GCH1: variants seen among roughly 807,000 people sequenced by gnomAD.
GCH1 encodes the protein GTP cyclohydrolase 1.
GCH1 carries 5 observed loss-of-function variants against 25.9 expected under a neutral mutation model. The observed-to-expected ratio is 0.19, with a 90% confidence interval of 0.10 to 0.41. GCH1 has a LOEUF of 0.41. Ranked by LOEUF, GCH1 falls within the 10% of genes least tolerant of loss-of-function variation. GCH1 has a pLI of 1.00. For synonymous variants in GCH1, 159 were observed against 129.6 expected, an observed-to-expected ratio of 1.23 and a Z score of -1.54; for missense variants, 261 against 336.5, an observed-to-expected ratio of 0.78 and a Z score of 1.75.
At chr14:54,844,283 T>C (rs1383632003) in intron 5 of GCH1, 140 bp from the exon 6 acceptor site, 4 of 753,054 alleles carry the variant, frequency 5.3e-6, no homozygotes, top group Non-Finnish European at 9.7e-6. Context: ...ATGTTATCTA[T>C]TAGGTTCATG....
chr14:54,845,373 G>C (rs1028240330), intron 5 of GCH1, among the ~76,000 whole-genome samples: 2 of 151,474 alleles, frequency 1.3e-5, no homozygotes, highest in African/African-American at 4.9e-5. Flanking sequence ...AGCTACTCGG[G>C]AGGCTGAGGC....
At position 54,843,730 on chromosome 14, in the gene GCH1, C is replaced by T; in HGVS notation, c.*287G>A. ...TTGAAAAAAATACACTAATTCTTCT[C>T]CCTTCCCAGGCCCCTCTGGTTATCT... On this transcript the variant is annotated 3_prime_UTR_variant, in exon 6 of 6. Transcript: ENST00000491895. The T allele has an allele frequency of 1.9e-6, 3 of 1,612,762 alleles. No homozygotes were observed. Among genetic ancestry groups the T allele is most frequent in the Non-Finnish European group, 2.5e-6 (3 of 1,179,682 alleles).
At chr14:54,849,972 A>G (rs1347992425) in intron 3 of GCH1, among the ~76,000 whole-genome samples, 1 of 150,764 alleles carries the variant, frequency 6.6e-6, no homozygotes, top group Non-Finnish European at 1.5e-5. Flanking sequence ...CCCTTTGTCA[A>G]TTTTTTTTTG....
At chr14:54,882,249 TCCTTCTGCCC>T (rs2040282657) in intron 1 of GCH1, among the ~76,000 whole-genome samples, 1 of 152,256 alleles carries the variant, frequency 6.6e-6, no homozygotes, top group South Asian at 2.1e-4. Context: ...TTACAAGTTA[TCCTTCTGCCC>T]CACTGCTCAG....
chr14:54,902,330 T>C lies in GCH1; in HGVS notation c.334A>G (p.Thr112Ala), dbSNP rs199990434. The C allele has an allele frequency of 7.4e-6, 12 of 1,612,250 alleles. No homozygotes were observed. Among genetic ancestry groups the C allele is most frequent in the Middle Eastern group, 1.7e-4 (1 of 5,774 alleles). ...MQFFTKGYQETISDVLNDAIF... is the reference protein window; with the variant it reads ...MQFFTKGYQEAISDVLNDAIF... ...CCGCGGGCGCACTGACCTGAGATGG[T>C]CTCCTGGTAGCCCTTGGTGAAGAAC... Residue 112 changes from threonine (T) to alanine (A), a missense_variant, in exon 1 of 6, where the codon ACC becomes GCC. Thr to Ala is a moderately conservative substitution (Grantham distance 58). Coordinates refer to ENST00000491895, the MANE Select transcript of GCH1 (RefSeq NM_000161.3).
intron 1 of GCH1, among the ~76,000 whole-genome samples, chr14:54,868,154 C>A (rs1038038431): frequency 6.6e-6 from 1 of 152,186 alleles, no homozygotes; most frequent in South Asian, 2.1e-4. Flanking sequence ...TGGCTCACAC[C>A]TGTAATCCCA....
chr14:54,861,721 CAAAA>C (rs67311353), intron 2 of GCH1, among the ~76,000 whole-genome samples: 2 of 133,414 alleles, frequency 1.5e-5, no homozygotes, highest in Admixed American at 7.5e-5. Context: ...GAAACTGTCT[CAAAA>C]AAAAAAAAAA....
Position 54,865,051 on chromosome 14 carries a change from AAAAAG to A in GCH1, c.453+271_453+275del, listed in dbSNP as rs1256105463. On this transcript the variant is annotated intron_variant, in intron 2 of 5. Coordinates refer to ENST00000491895, the MANE Select transcript of GCH1 (RefSeq NM_000161.3). ...GAGCCTGTAGTAGCTACAAAAAAAA[AAAAAG>A]AGAGAGAGAGATGCTACTTAAACCT... 2.6e-5 allele frequency among the ~76,000 whole-genome samples: 4 copies of A among 152,194 alleles called. No homozygotes were observed. The East Asian group carries it at 7.7e-4, about 29-fold the overall frequency.
intron 3 of GCH1, among the ~76,000 whole-genome samples, chr14:54,853,708 A>C (rs2039768347): frequency 6.6e-6 from 1 of 152,008 alleles, no homozygotes; most frequent in Admixed American, 6.6e-5. Flanking sequence ...AGATTCTTAC[A>C]ACTACATTAA....
rs770766855 is a variant in GCH1, at chr14:54,865,317, A to AGAACCTTACCTTTCCAACAAATG, written c.440_453+9dup. On this transcript the variant is annotated intron_variant, in intron 2 of 5. Coordinates refer to ENST00000491895, the MANE Select transcript of GCH1 (RefSeq NM_000161.3). The stretch of plus-strand genomic sequence containing the variant: ...TTTAAATTGCTGGGAAACAACAAAG[A>AGAACCTTACCTTTCCAACAAATG]GAACCTTACCTTTCCAACAAATGGA... 3 of 1,258,466 alleles carry AGAACCTTACCTTTCCAACAAATG rather than the reference A, an allele frequency of 2.4e-6. No homozygotes were observed. In the South Asian group the frequency reaches 3.6e-5, roughly 15 times the overall value. 78.0% of individuals were successfully genotyped at this position (1,258,466 alleles called of 1,614,324 possible). A position where few individuals can be genotyped will look rare whatever the true frequency, so the allele number is the denominator to read the frequency against.
At chr14:54,868,666 A>T (rs1177161254) in intron 1 of GCH1, among the ~76,000 whole-genome samples, 1 of 150,882 alleles carries the variant, frequency 6.6e-6, no homozygotes, top group Non-Finnish European at 1.5e-5. Context: ...CAGTGGCATG[A>T]TCTCGGCTCA....
At chr14:54,890,820 A>C (rs2040413490) in intron 1 of GCH1, among the ~76,000 whole-genome samples, 1 of 152,206 alleles carries the variant, frequency 6.6e-6, no homozygotes, top group Non-Finnish European at 1.5e-5. Flanking sequence ...AAAACTCAAA[A>C]TGAATTTCCT....
chr14:54,843,460 A>G lies in GCH1; in HGVS notation c.*557T>C. 2 of 1,240,018 alleles carry G rather than the reference A, an allele frequency of 1.6e-6. No homozygotes were observed. The highest frequency in any genetic ancestry group is 2.0e-6 in the Non-Finnish European group (2 of 990,016). The allele number at this position is 1,240,018 out of a possible 1,614,324, so 76.8% of individuals were successfully genotyped here. On this transcript the variant is annotated 3_prime_UTR_variant, in exon 6 of 6. Coordinates refer to ENST00000491895, the MANE Select transcript of GCH1 (RefSeq NM_000161.3). ...AAATCAAAAACATAGACATTCCACC[A>G]CCTTCCCTTGGTGACTAACATTACG...
intron 2 of GCH1, among the ~76,000 whole-genome samples, chr14:54,862,203 TA>T (rs1179474282): frequency 2.0e-5 from 3 of 150,934 alleles, no homozygotes; most frequent in Non-Finnish European, 2.9e-5. Context: ...CAATTAATTT[TA>T]AAAAAAAATT....
At chr14:54,897,922 C>T (rs112564797) in intron 1 of GCH1, among the ~76,000 whole-genome samples, 64 of 152,300 alleles carry the variant, frequency 4.2e-4, no homozygotes, top group Non-Finnish European at 6.5e-4. Flanking sequence ...AGTTTCATAT[C>T]GCAAACACTG....
At chr14:54,892,447 G>A (rs189145076) in intron 1 of GCH1, among the ~76,000 whole-genome samples, 74 of 152,160 alleles carry the variant, frequency 4.9e-4, no homozygotes, top group African/African-American at 1.7e-3. Flanking sequence ...CCAACACTTT[G>A]GGAGGCAGAA....
At chr14:54,846,442 G>A (rs1299120565) in intron 4 of GCH1, among the ~76,000 whole-genome samples, 1 of 152,128 alleles carries the variant, frequency 6.6e-6, no homozygotes, top group Non-Finnish European at 1.5e-5. Flanking sequence ...TATACGGTAG[G>A]ATTCTAGACA....
intron 3 of GCH1, among the ~76,000 whole-genome samples, chr14:54,853,829 G>A (rs907608558): frequency 6.6e-6 from 1 of 151,654 alleles, no homozygotes; most frequent in East Asian, 1.9e-4. Context: ...GTTTCTCTAC[G>A]CTCTTGAATT....
At chr14:54,875,720 T>C (rs569904394) in intron 1 of GCH1, among the ~76,000 whole-genome samples, 12 of 152,308 alleles carry the variant, frequency 7.9e-5, no homozygotes, top group Non-Finnish European at 1.6e-4. Flanking sequence ...AGAAGACCTT[T>C]ATGCAGCCAA....
Sources: gnomAD v4.1 joint callset for allele counts (sites outside exome capture counted in the v4.1 genomes callset) on GRCh38, gnomAD v4.1.1 for gene constraint, MANE v1.5 for transcripts, NCBI Gene and HGNC (gene_info 2026-07-23, HGNC 2026-07-21) for gene names.